TIA1: variants seen among roughly 807,000 people sequenced by gnomAD.
TIA1 encodes the protein TIA1 cytotoxic granule associated RNA binding protein, also known as cytotoxic granule associated RNA binding protein TIA1.
In TIA1, 23 loss-of-function variants were observed where a neutral mutation model predicts 65.9. That is an observed-to-expected ratio of 0.35 (90% CI 0.25 to 0.49). TIA1 has a LOEUF of 0.49. Ranked by LOEUF, TIA1 falls within the 20% of genes least tolerant of loss-of-function variation. The pLI is 0.98. For synonymous variants in TIA1, 147 were observed against 149.4 expected (o/e 0.98, Z 0.12); for missense variants, 371 against 477.9 (o/e 0.78, Z 2.09).
chr2:70,237,252 A>G (rs1689370925), intron 1 of TIA1, among the ~76,000 whole-genome samples: 1 of 152,138 alleles, frequency 6.6e-6, no homozygotes, highest in South Asian at 2.1e-4. Flanking sequence ...AAACACAAAA[A>G]TTAGCCAGGC....
intron 1 of TIA1, among the ~76,000 whole-genome samples, chr2:70,242,397 T>C (rs904697846): frequency 7.3e-6 from 1 of 137,462 alleles, no homozygotes; most frequent in Non-Finnish European, 1.5e-5. Context: ...CCAAGTGTGA[T>C]GGTGGGCGAG....
chr2:70,237,849 G>A (rs952057317), intron 1 of TIA1, among the ~76,000 whole-genome samples: 1 of 150,154 alleles, frequency 6.7e-6, no homozygotes, highest in Non-Finnish European at 1.5e-5. Context: ...CTGGGTGACG[G>A]AGCAAGACTG....
At chr2:70,228,743 C>T (rs1684827360) in intron 5 of TIA1, 1 of 985,246 alleles carries the variant, frequency 1.0e-6, no homozygotes. Flanking sequence ...AGGAGCAACT[C>T]AAGCATTTGG....
In TIA1 at chr2:70,242,376, C is replaced by CA. The variant is rs574851996; in HGVS notation, c.26+6028dup. On this transcript the variant is annotated intron_variant, in intron 1 of 12. Transcript: ENST00000433529. ...TTGAAACTTGCCTCTACTAAAAACA[C>CA]AAAAAATTAGCCAAGTGTGATGGTG... Among the ~76,000 whole-genome samples, 16 of 149,240 alleles carry CA rather than the reference C, an allele frequency of 1.1e-4. No individual in the cohort carries two copies. The East Asian group carries it at 3.2e-3, about 30-fold the overall frequency.
At chr2:70,221,141 T>C (rs573154846) in intron 7 of TIA1, among the ~76,000 whole-genome samples, 1 of 151,980 alleles carries the variant, frequency 6.6e-6, no homozygotes, top group Non-Finnish European at 1.5e-5. Flanking sequence ...TGAGTAGCCG[T>C]GATTACAGGC....
Position 70,209,729 on chromosome 2 carries a change from A to AT in TIA1, c.*2989dup, listed in dbSNP as rs910126542. 69 of 398,058 alleles carry AT rather than the reference A, an allele frequency of 1.7e-4. No individual in the cohort carries two copies. Among genetic ancestry groups the AT allele is most frequent in the African/African-American group, 5.8e-4 (28 of 48,572 alleles). The allele number at this position is 398,058 out of a possible 1,614,324, so 24.7% of individuals were successfully genotyped here. On this transcript the variant is annotated 3_prime_UTR_variant, in exon 13 of 13. Coordinates refer to ENST00000433529, the MANE Select transcript of TIA1 (RefSeq NM_022173.4). Reference sequence around the variant, plus strand: ...AACATTATTTGAGAGAAAAAAACTGATTTTTTTTAAAGAAATCATCACTCT... The same window carrying AT: ...AACATTATTTGAGAGAAAAAAACTGATTTTTTTTTAAAGAAATCATCACTCT...
At chr2:70,236,873 C>A (rs2104590124) in intron 1 of TIA1, among the ~76,000 whole-genome samples, 1 of 152,276 alleles carries the variant, frequency 6.6e-6, no homozygotes, top group South Asian at 2.1e-4. Flanking sequence ...AGCGATCTGC[C>A]TGCCTTGGCC....
At chr2:70,239,350 C>G (rs2104650853) in intron 1 of TIA1, among the ~76,000 whole-genome samples, 1 of 152,200 alleles carries the variant, frequency 6.6e-6, no homozygotes, top group Admixed American at 6.5e-5. Context: ...CCTCGGCCTC[C>G]CAAAGTGTTT....
chr2:70,230,267 T>C (rs931636654), intron 3 of TIA1, among the ~76,000 whole-genome samples: 1 of 145,776 alleles, frequency 6.9e-6, no homozygotes, highest in Non-Finnish European at 1.5e-5. Flanking sequence ...GAAAAGAAAA[T>C]ACTAACATAA....
At chr2:70,241,256 A>G (rs1436373189) in intron 1 of TIA1, among the ~76,000 whole-genome samples, 3 of 152,086 alleles carry the variant, frequency 2.0e-5, no homozygotes, top group Non-Finnish European at 4.4e-5. Flanking sequence ...CCTGGCCAAC[A>G]TAGTGAAACC....
chr2:70,243,243 C>A (rs1310217939), intron 1 of TIA1, among the ~76,000 whole-genome samples: 2 of 152,050 alleles, frequency 1.3e-5, no homozygotes, highest in African/African-American at 4.8e-5. Context: ...CTGGGCAACA[C>A]AGTGAGATCG....
At chr2:70,219,636 GTTTTT>G (rs200214933) in intron 7 of TIA1, among the ~76,000 whole-genome samples, 1 of 149,344 alleles carries the variant, frequency 6.7e-6, no homozygotes, top group African/African-American at 2.5e-5. Context: ...AAGGTTGGCT[GTTTTT>G]TTTATTTTTT....
chr2:70,237,105 T>C (rs1191337247), intron 1 of TIA1, among the ~76,000 whole-genome samples: 1 of 152,252 alleles, frequency 6.6e-6, no homozygotes, highest in African/African-American at 2.4e-5. Context: ...TAAAGTATGT[T>C]ATTTGAAAAT....
chr2:70,214,305 G>C (rs1282419790), intron 12 of TIA1, 44 bp downstream of exon 12: 1 of 1,556,032 alleles, frequency 6.4e-7, no homozygotes, highest in Admixed American at 2.0e-5. Flanking sequence ...AATTTCTTTA[G>C]ACATTTTCAA....
intron 7 of TIA1, among the ~76,000 whole-genome samples, chr2:70,220,983 A>G (rs576395085): frequency 1.8e-4 from 27 of 151,954 alleles, no homozygotes; most frequent in East Asian, 3.9e-4. Flanking sequence ...CTGGGCAACA[A>G]AGTGAGATTG....
chr2:70,240,049 C>T (rs2104665263), intron 1 of TIA1, among the ~76,000 whole-genome samples: 1 of 152,280 alleles, frequency 6.6e-6, no homozygotes, highest in African/African-American at 2.4e-5. Context: ...TAAACTACTA[C>T]ATGAACAGTT....
At chr2:70,226,966 T>C (rs1234945107) in intron 6 of TIA1, among the ~76,000 whole-genome samples, 1 of 152,126 alleles carries the variant, frequency 6.6e-6, no homozygotes, top group Non-Finnish European at 1.5e-5. Context: ...CTGCTGTTGG[T>C]CTGTTCAAAC....
intron 12 of TIA1, 120 bp downstream of exon 12, chr2:70,214,229 G>T: frequency 1.8e-6 from 2 of 1,094,812 alleles, no homozygotes; most frequent in South Asian, 3.8e-5. Context: ...TTCTTTCAAG[G>T]CTATAGTTAC....
intron 7 of TIA1, among the ~76,000 whole-genome samples, chr2:70,220,365 T>C (rs1048668954): frequency 2.2e-4 from 34 of 152,048 alleles, no homozygotes; most frequent in African/African-American, 7.5e-4. Flanking sequence ...GTTGTGATTG[T>C]GCCACCACAC....
Sources: allele counts gnomAD v4.1 joint callset (sites outside exome capture counted in the v4.1 genomes callset), GRCh38; gene constraint gnomAD v4.1.1; transcripts MANE v1.5; gene names NCBI Gene and HGNC (gene_info 2026-07-23, HGNC 2026-07-21).